Variants in PTPRA observed in about 807,000 individuals in gnomAD.
PTPRA encodes receptor-type tyrosine-protein phosphatase alpha.
PTPRA carries 25 observed loss-of-function variants against 104.8 expected under a neutral mutation model. The ratio of observed to expected loss-of-function variants is 0.24; its 90% CI spans 0.17 to 0.33. The LOEUF (loss-of-function observed/expected upper bound fraction) is 0.33, where lower values mean the gene tolerates loss of function less well. Among genes scored for constraint, PTPRA ranks in the 10% least tolerant of loss-of-function variants. The pLI, the probability that PTPRA is intolerant of heterozygous loss-of-function variation, is 1.00. For synonymous variants in PTPRA, 323 were observed against 368.9 expected, an observed-to-expected ratio of 0.88 and a Z score of 1.43; for missense variants, 765 against 1,015.3, an observed-to-expected ratio of 0.75 and a Z score of 3.35.
chr20:2,935,327 C>CT (rs919697853), intron 2 of PTPRA, among the ~76,000 whole-genome samples: 7 of 152,208 alleles, frequency 4.6e-5, no homozygotes, highest in African/African-American at 9.6e-5. Context: ...AGAATTTATT[C>CT]TTTTTTTAAG....
intron 2 of PTPRA, among the ~76,000 whole-genome samples, chr20:2,936,043 G>A (rs2060689596): frequency 6.6e-6 from 1 of 151,830 alleles, no homozygotes; most frequent in Admixed American, 6.6e-5. Context: ...ATCGTTTGTA[G>A]AGACAGGGTC....
At chr20:3,018,179 G>C (rs2064563978) in intron 13 of PTPRA, among the ~76,000 whole-genome samples, 1 of 152,210 alleles carries the variant, frequency 6.6e-6, no homozygotes, top group Non-Finnish European at 1.5e-5. Context: ...TGGGCCATCA[G>C]CTAAGGAAAA....
At chr20:2,894,128 A>T (rs943523111) in intron 1 of PTPRA, among the ~76,000 whole-genome samples, 16 of 152,222 alleles carry the variant, frequency 1.1e-4, no homozygotes, top group Admixed American at 1.0e-3. Context: ...ATAATCAAAC[A>T]GCAGAATAAT....
intron 6 of PTPRA, 104 bp from the exon 7 acceptor site, chr20:2,986,661 A>C: frequency 4.2e-6 from 4 of 954,904 alleles, no homozygotes; most frequent in Non-Finnish European, 6.8e-6. Flanking sequence ...CATCTGCAGA[A>C]GGACTGAATG....
At position 2,943,213 on chromosome 20, in the gene PTPRA, A is replaced by ACCCC. The variant is rs61061739; in HGVS notation, c.-49-4762_-49-4759dup. ...TGGGAGTCTTGGAACATATCCCCCC[A>ACCCC]CCCCCCCCCCAGATAAGGGGGTAGT... On this transcript the variant is annotated intron_variant, in intron 2 of 23. Transcript: ENST00000399903. Among the ~76,000 whole-genome samples, 345 of 116,446 alleles carry ACCCC rather than the reference A, an allele frequency of 3.0e-3. 6 individuals carry two copies. Among genetic ancestry groups the ACCCC allele is most frequent in the African/African-American group, 0.011 (318 of 29,730 alleles). The allele number at this position is 116,446 out of a possible 152,430, so 76.4% of individuals were successfully genotyped here. A position where few individuals can be genotyped will look rare whatever the true frequency, so the allele number is the denominator to read the frequency against.
intron 2 of PTPRA, among the ~76,000 whole-genome samples, chr20:2,925,099 A>G (rs2060246754): frequency 6.6e-6 from 1 of 152,156 alleles, no homozygotes; most frequent in South Asian, 2.1e-4. Flanking sequence ...CATTAAGTAC[A>G]TTCCTGTTGT....
intron 3 of PTPRA, among the ~76,000 whole-genome samples, chr20:2,954,731 G>C (rs1358731391): frequency 6.6e-6 from 1 of 152,096 alleles, no homozygotes; most frequent in Non-Finnish European, 1.5e-5. Context: ...GTTTTGTTTT[G>C]TTGCTTGTGC....
At chr20:3,028,301 TAAAG>T (rs750123465) in intron 20 of PTPRA, among the ~76,000 whole-genome samples, 32 of 152,094 alleles carry the variant, frequency 2.1e-4, no homozygotes, top group Non-Finnish European at 4.3e-4. Context: ...CTACATAAAA[TAAAG>T]CAGTAGAATT....
chr20:3,026,243 T>C (rs1212258812), intron 17 of PTPRA, among the ~76,000 whole-genome samples: 3 of 152,148 alleles, frequency 2.0e-5, no homozygotes, highest in African/African-American at 7.2e-5. Flanking sequence ...GGCTTGAGAT[T>C]CTGCATTTCT....
Position 3,031,267 on chromosome 20 carries a change from C to G in PTPRA, c.1920+3426C>G, listed in dbSNP as rs115015758. Among the ~76,000 whole-genome samples, 431 of 151,926 alleles carry G rather than the reference C, an allele frequency of 2.8e-3. 1 individual carries two copies. Among genetic ancestry groups the G allele is most frequent in the Middle Eastern group, 0.01 (3 of 294 alleles). ...GACTTCATGCTATCTGGTGGAAAGA[C>G]AAAGTAGGAGAAAAGACAGAAAACC... On this transcript the variant is annotated intron_variant, in intron 20 of 23. Coordinates refer to ENST00000399903, the MANE Select transcript of PTPRA (RefSeq NM_001385305.1).
intron 2 of PTPRA, among the ~76,000 whole-genome samples, chr20:2,933,426 G>GT (rs1260843686): frequency 2.7e-5 from 4 of 148,904 alleles, no homozygotes; most frequent in African/African-American, 4.9e-5. Flanking sequence ...GTTTTTTGGG[G>GT]TTCTTTCTTT....
Position 3,022,884 on chromosome 20 carries a change from A to G in PTPRA, c.1464+60A>G. On this transcript the variant is annotated intron_variant, in intron 16 of 23. Coordinates refer to ENST00000399903, the MANE Select transcript of PTPRA (RefSeq NM_001385305.1). The surrounding 1 kb of genome is among the most constrained non-coding windows in gnomAD (Gnocchi z 4.6). ...TTCCAGGACTAAAACATCTGCCCACATTGAGGATTCACTCAGTCTCACAGG... is the reference window on the plus strand; with the variant it reads ...TTCCAGGACTAAAACATCTGCCCACGTTGAGGATTCACTCAGTCTCACAGG... 1 of 1,608,042 alleles carries G rather than the reference A, an allele frequency of 6.2e-7. No homozygotes were observed. The highest frequency in any genetic ancestry group is 8.5e-7 in the Non-Finnish European group (1 of 1,176,730).
chr20:3,013,281 T>G (rs1436358915), intron 11 of PTPRA, among the ~76,000 whole-genome samples: 2 of 152,158 alleles, frequency 1.3e-5, no homozygotes, highest in Non-Finnish European at 2.9e-5. Flanking sequence ...GGGAAACACA[T>G]AGGTCAGCTA....
chr20:3,036,009 C>A, intron 22 of PTPRA, 68 bp downstream of exon 22: 1 of 1,604,990 alleles, frequency 6.2e-7, no homozygotes. Context: ...AAGCTGATGA[C>A]CATGGGTCAG....
chr20:2,969,212 C>CAAA (rs372710655), intron 5 of PTPRA, among the ~76,000 whole-genome samples: 1 of 138,712 alleles, frequency 7.2e-6, no homozygotes. Flanking sequence ...GACTCTATCT[C>CAAA]AAAAAAAAAA....
chr20:3,005,335 G>C (rs2063813520), intron 10 of PTPRA, among the ~76,000 whole-genome samples, 189 bp downstream of exon 10: 1 of 152,104 alleles, frequency 6.6e-6, no homozygotes, highest in African/African-American at 2.4e-5. Flanking sequence ...AATCTCTTGA[G>C]CCCAGGAGTT....
At chr20:2,922,479 A>G (rs2060131053) in intron 1 of PTPRA, among the ~76,000 whole-genome samples, 1 of 151,926 alleles carries the variant, frequency 6.6e-6, no homozygotes. Flanking sequence ...AACTGGGATT[A>G]CAGACACCCA....
In PTPRA at chr20:2,910,429, A is replaced by G. The variant is rs1250698940; in HGVS notation, c.-128-12778A>G. On this transcript the variant is annotated intron_variant, in intron 1 of 23. Transcript: ENST00000399903. The stretch of plus-strand genomic sequence containing the variant: ...TTTTGTATATTATATAATATATAAA[A>G]TGTATATTATATATAAGTAAAGTAT... Among the ~76,000 whole-genome samples, 3 of 52,170 alleles carry G rather than the reference A, an allele frequency of 5.8e-5. 1 individual carries two copies. The highest frequency in any genetic ancestry group is 4.2e-4 in the Admixed American group (2 of 4,710). 34.2% of individuals were successfully genotyped at this position (52,170 alleles called of 152,430 possible).
intron 5 of PTPRA, among the ~76,000 whole-genome samples, chr20:2,972,528 C>T (rs1440199388): frequency 6.6e-6 from 1 of 152,186 alleles, no homozygotes; most frequent in African/African-American, 2.4e-5. Flanking sequence ...CTGTAACAAG[C>T]TGTTGCAGTC....
Sources: allele counts gnomAD v4.1 joint callset (sites outside exome capture counted in the v4.1 genomes callset), GRCh38; gene constraint gnomAD v4.1.1; non-coding constraint Gnocchi (gnomAD v3.1); transcripts MANE v1.5; gene names NCBI Gene and HGNC (gene_info 2026-07-23, HGNC 2026-07-21).